Variants in NAALADL2 observed in about 807,000 individuals in gnomAD.
The protein encoded by NAALADL2 is N-acetylated alpha-linked acidic dipeptidase like 2.
NAALADL2 carries 76 observed loss-of-function variants against 87.2 expected under a neutral mutation model. That is an observed-to-expected ratio of 0.87 (90% CI 0.72 to 1.05). NAALADL2 has a LOEUF of 1.05. Ranked by LOEUF, NAALADL2 falls within the 50% of genes least tolerant of loss-of-function variation. The pLI, the probability that NAALADL2 is intolerant of heterozygous loss-of-function variation, is 0.00. For synonymous variants in NAALADL2, 354 were observed against 331.0 expected, an observed-to-expected ratio of 1.07 and a Z score of -0.75; for missense variants, 1,089 against 945.8, an observed-to-expected ratio of 1.15 and a Z score of -1.99.
At chr3:174,984,625 A>G (rs1745582380) in intron 1 of NAALADL2, among the ~76,000 whole-genome samples, 1 of 152,212 alleles carries the variant, frequency 6.6e-6, no homozygotes, top group Non-Finnish European at 1.5e-5. Context: ...ATGGGGAAAG[A>G]GAAATACAGA....
Position 174,749,932 on chromosome 3 carries a change from T to C in NAALADL2, c.-9+12186T>C, listed in dbSNP as rs1734658149. Among the ~76,000 whole-genome samples the C allele has an allele frequency of 5.9e-5, 9 of 152,310 alleles. No individual in the cohort carries two copies. The South Asian group carries it at 1.9e-3, about 32-fold the overall frequency. On this transcript the variant is annotated intron_variant, in intron 3 of 3. Transcript: ENST00000434257. ...AACCCCTTTTCCAGAAATTATGAAG[T>C]GCTATGAAATTTTTAAAATTCTTCT... is the stretch of plus-strand genomic sequence containing the variant.
At chr3:174,700,436 A>G (rs1197472361) in intron 2 of NAALADL2, among the ~76,000 whole-genome samples, 1 of 152,176 alleles carries the variant, frequency 6.6e-6, no homozygotes, top group Non-Finnish European at 1.5e-5. Flanking sequence ...CATGGAACTA[A>G]TTCTTCCAAA....
chr3:175,426,082 G>A (rs1045988621), intron 5 of NAALADL2, among the ~76,000 whole-genome samples: 3 of 152,194 alleles, frequency 2.0e-5, no homozygotes, highest in Admixed American at 2.0e-4. Flanking sequence ...AATGACTTAT[G>A]GCCGGGTGCA....
At chr3:175,716,258 GTATATAATA>G (rs202051825) in intron 11 of NAALADL2, among the ~76,000 whole-genome samples, 6,932 of 142,998 alleles carry the variant, frequency 0.048, 557 homozygotes, top group African/African-American at 0.17. Flanking sequence ...TATAATATAT[GTATATAATA>G]TATATAATAT....
At chr3:175,250,196 G>A (rs1004211583) in intron 3 of NAALADL2, among the ~76,000 whole-genome samples, 8 of 149,768 alleles carry the variant, frequency 5.3e-5, no homozygotes, top group Non-Finnish European at 8.9e-5. Flanking sequence ...AGAGCGATTA[G>A]TATTCTTATA....
At chr3:174,567,736 G>T (rs2108526377) in intron 2 of NAALADL2, among the ~76,000 whole-genome samples, 1 of 151,672 alleles carries the variant, frequency 6.6e-6, no homozygotes, top group African/African-American at 2.4e-5. Flanking sequence ...TTTATAAGAT[G>T]AAGATAATAG....
chr3:175,463,058 T>C (rs1723401170), intron 6 of NAALADL2, among the ~76,000 whole-genome samples: 1 of 152,164 alleles, frequency 6.6e-6, no homozygotes, highest in Non-Finnish European at 1.5e-5. Context: ...TTTCTGTTTT[T>C]AAAAATATGA....
chr3:175,041,272 A>G (rs1171170897), intron 1 of NAALADL2, among the ~76,000 whole-genome samples: 1 of 152,096 alleles, frequency 6.6e-6, no homozygotes, highest in Non-Finnish European at 1.5e-5. Context: ...TCCATTTCTG[A>G]AGATGTTAAT....
chr3:174,995,683 T>A (rs1747344086), intron 1 of NAALADL2, among the ~76,000 whole-genome samples: 1 of 152,082 alleles, frequency 6.6e-6, no homozygotes, highest in Non-Finnish European at 1.5e-5. Flanking sequence ...ATTATAGAAT[T>A]TTCTACCAGA....
chr3:175,414,161 G>A (rs1400122961), intron 5 of NAALADL2, among the ~76,000 whole-genome samples: 1 of 152,194 alleles, frequency 6.6e-6, no homozygotes, highest in Non-Finnish European at 1.5e-5. Flanking sequence ...GGAAAGACAC[G>A]GGAACAGTAT....
At chr3:174,915,913 G>T (rs577361626) in intron 1 of NAALADL2, among the ~76,000 whole-genome samples, 18 of 152,212 alleles carry the variant, frequency 1.2e-4, no homozygotes, top group African/African-American at 4.3e-4. Context: ...CACAGCAAAA[G>T]AAATAATCAG....
intron 2 of NAALADL2, among the ~76,000 whole-genome samples, chr3:174,656,275 C>T (rs537747412): frequency 6.6e-6 from 1 of 152,164 alleles, no homozygotes; most frequent in Non-Finnish European, 1.5e-5. Context: ...AAGAATTCCC[C>T]ATCATGCAGA....
At position 174,482,167 on chromosome 3, in the gene NAALADL2, G is replaced by C. The variant is rs79628223; in HGVS notation, c.-184+41135G>C. Among the ~76,000 whole-genome samples, 812 of 152,182 alleles carry C rather than the reference G, an allele frequency of 5.3e-3. 7 individuals carry two copies. Among genetic ancestry groups the C allele is most frequent in the East Asian group, 0.041 (211 of 5,154 alleles). On this transcript the variant is annotated intron_variant, in intron 1 of 3. Transcript: ENST00000434257. ...TGTGAACACAGATGGCATTGCTGCT[G>C]TTACCCCAGAAACTTTATTTCCTGA...
At chr3:175,282,739 T>C (rs1281915646) in intron 4 of NAALADL2, among the ~76,000 whole-genome samples, 1 of 152,030 alleles carries the variant, frequency 6.6e-6, no homozygotes, top group Non-Finnish European at 1.5e-5. Context: ...CCTTCAGTAG[T>C]TGGAGGGGGC....
chr3:174,882,533 A>ACACATATG (rs1729366936), intron 1 of NAALADL2, among the ~76,000 whole-genome samples: 1 of 148,404 alleles, frequency 6.7e-6, no homozygotes, highest in Admixed American at 6.7e-5. Flanking sequence ...ATACACATAT[A>ACACATATG]TGCATACACA....
chr3:175,130,407 A>T (rs1727643879), intron 2 of NAALADL2, among the ~76,000 whole-genome samples: 1 of 152,162 alleles, frequency 6.6e-6, no homozygotes, highest in African/African-American at 2.4e-5. Flanking sequence ...TCGTATCCAA[A>T]AAGTCTTTGT....
At chr3:175,593,503 C>G (rs1023296877) in intron 10 of NAALADL2, among the ~76,000 whole-genome samples, 5 of 152,124 alleles carry the variant, frequency 3.3e-5, no homozygotes, top group Non-Finnish European at 7.4e-5. Flanking sequence ...GTCCCACAAA[C>G]TGAGTGACTT....
At chr3:175,365,469 G>C (rs1402298061) in intron 5 of NAALADL2, among the ~76,000 whole-genome samples, 1 of 147,594 alleles carries the variant, frequency 6.8e-6, no homozygotes, top group Non-Finnish European at 1.5e-5. Context: ...AAATGGAATA[G>C]AAGTCGCTTG....
At chr3:175,209,280 G>GA (rs910779828) in intron 2 of NAALADL2, among the ~76,000 whole-genome samples, 3 of 151,660 alleles carry the variant, frequency 2.0e-5, no homozygotes, top group Non-Finnish European at 4.4e-5. Flanking sequence ...GATAAAAGCA[G>GA]AAAAAAAAGC....
Sources: gnomAD v4.1 joint callset for allele counts (sites outside exome capture counted in the v4.1 genomes callset) on GRCh38, gnomAD v4.1.1 for gene constraint, MANE v1.5 for transcripts, NCBI Gene and HGNC (gene_info 2026-07-23, HGNC 2026-07-21) for gene names.